RAI14: variants seen among roughly 807,000 people sequenced by gnomAD.
RAI14 encodes retinoic acid induced 14.
Under a neutral mutation model 115.4 loss-of-function variants are expected in RAI14, and 45 were observed. The ratio of observed to expected loss-of-function variants is 0.39; its 90% CI spans 0.31 to 0.50. The LOEUF (loss-of-function observed/expected upper bound fraction) is 0.50, where lower values mean the gene tolerates loss of function less well. RAI14 is among the 20% of genes least tolerant of loss of function. RAI14 has a pLI of 0.85. For missense variants in RAI14, 939 were observed against 1,131.2 expected, an observed-to-expected ratio of 0.83 and a Z score of 2.44; for synonymous variants, 371 against 415.4, an observed-to-expected ratio of 0.89 and a Z score of 1.30.
intron 2 of RAI14, among the ~76,000 whole-genome samples, chr5:34,705,490 T>C (rs1740601683): frequency 6.6e-6 from 1 of 152,154 alleles, no homozygotes; most frequent in African/African-American, 2.4e-5. Context: ...ATCTCTTGGA[T>C]AGCACTATGT....
intron 15 of RAI14, 32 bp downstream of exon 15, chr5:34,824,523 A>G: frequency 2.0e-6 from 3 of 1,496,208 alleles, no homozygotes; most frequent in Non-Finnish European, 2.7e-6. Flanking sequence ...TTGGGTTTCT[A>G]GCAATAAGTC....
intron 2 of RAI14, among the ~76,000 whole-genome samples, chr5:34,752,699 A>ATGTGTG (rs1491205967): frequency 1.9e-5 from 1 of 51,386 alleles, no homozygotes; most frequent in Non-Finnish European, 3.6e-5. Flanking sequence ...TATTTCTTAC[A>ATGTGTG]TATATGTGTG....
At chr5:34,808,733 G>T (rs1407460368) in intron 7 of RAI14, 79 bp downstream of exon 7, 3 of 1,347,424 alleles carry the variant, frequency 2.2e-6, no homozygotes, top group Admixed American at 3.7e-5. Flanking sequence ...GAGTCACTGA[G>T]ACTTTAGACT....
intron 2 of RAI14, among the ~76,000 whole-genome samples, chr5:34,735,852 G>A (rs1356933823): frequency 6.6e-6 from 1 of 152,208 alleles, no homozygotes; most frequent in Non-Finnish European, 1.5e-5. Flanking sequence ...TACAATTCCA[G>A]TATCAGCCTA....
intron 1 of RAI14, chr5:34,657,207 G>A (rs1742340008): frequency 7.0e-6 from 1 of 142,114 alleles, no homozygotes; most frequent in Non-Finnish European, 1.5e-5. Context: ...CACCAGAAAG[G>A]CGCCCGCCAT....
intron 2 of RAI14, among the ~76,000 whole-genome samples, chr5:34,732,076 G>A (rs1313094904): frequency 6.6e-6 from 1 of 152,204 alleles, no homozygotes; most frequent in Admixed American, 6.5e-5. Context: ...CCCTGGAGTT[G>A]GGGTGGTCAG....
At chr5:34,762,423 G>A (rs145484391) in intron 3 of RAI14, among the ~76,000 whole-genome samples, 2 of 152,248 alleles carry the variant, frequency 1.3e-5, no homozygotes, top group African/African-American at 2.4e-5. Flanking sequence ...CAGATGGGTG[G>A]TTGGGTAATG....
intron 3 of RAI14, among the ~76,000 whole-genome samples, chr5:34,787,099 C>T (rs1463446619): frequency 6.6e-6 from 1 of 152,186 alleles, no homozygotes; most frequent in Admixed American, 6.5e-5. Flanking sequence ...GTTCCTTACC[C>T]TCATTCCGGT....
At chr5:34,659,109 A>T (rs768132353) in intron 1 of RAI14, 1 of 152,218 alleles carries the variant, frequency 6.6e-6, no homozygotes, top group Non-Finnish European at 1.5e-5. Context: ...AAATGGCATA[A>T]TTCTACCTAT....
intron 3 of RAI14, among the ~76,000 whole-genome samples, chr5:34,783,963 C>T (rs1751978629): frequency 6.6e-6 from 1 of 152,206 alleles, no homozygotes; most frequent in Admixed American, 6.5e-5. Flanking sequence ...TCCACACATA[C>T]ATGTACATAA....
intron 2 of RAI14, among the ~76,000 whole-genome samples, chr5:34,721,313 AT>A: frequency 6.9e-6 from 1 of 145,680 alleles, no homozygotes; most frequent in East Asian, 2.0e-4. Context: ...ATATATATAT[AT>A]ATATATATAT....
intron 2 of RAI14, among the ~76,000 whole-genome samples, chr5:34,715,904 A>C (rs1318137755): frequency 1.3e-5 from 2 of 152,192 alleles, no homozygotes; most frequent in African/African-American, 2.4e-5. Flanking sequence ...CAGTCTTCCC[A>C]AAATTCTTAC....
intron 2 of RAI14, among the ~76,000 whole-genome samples, chr5:34,715,162 T>C (rs1240289730): frequency 1.3e-5 from 2 of 152,160 alleles, no homozygotes; most frequent in Non-Finnish European, 2.9e-5. Context: ...CTGCTACCTT[T>C]ATGGGCTTCA....
chr5:34,704,807 T>C (rs908648694), intron 2 of RAI14, among the ~76,000 whole-genome samples: 1 of 152,226 alleles, frequency 6.6e-6, no homozygotes, highest in African/African-American at 2.4e-5. Context: ...CTTGCCACAC[T>C]TACATTCCGT....
chr5:34,757,662 C>T, intron 3 of RAI14, 64 bp downstream of exon 3: 1 of 1,526,340 alleles, frequency 6.6e-7, no homozygotes, highest in South Asian at 1.3e-5. Context: ...CTCTGGAATC[C>T]TTAGTATCCA....
At chr5:34,708,653 G>C (rs1741029219) in intron 2 of RAI14, among the ~76,000 whole-genome samples, 1 of 152,190 alleles carries the variant, frequency 6.6e-6, no homozygotes, top group Non-Finnish European at 1.5e-5. Context: ...TCCATAGGTT[G>C]TGGGTATCTT....
chr5:34,781,832 G>GAC (rs1004357741), intron 3 of RAI14, among the ~76,000 whole-genome samples: 13 of 152,166 alleles, frequency 8.5e-5, no homozygotes, highest in Middle Eastern at 3.2e-3. Flanking sequence ...AGGAATTAAA[G>GAC]ACACACACAC....
intron 13 of RAI14, among the ~76,000 whole-genome samples, chr5:34,820,185 T>A (rs1446221232): frequency 6.6e-6 from 1 of 152,230 alleles, no homozygotes; most frequent in African/African-American, 2.4e-5. Context: ...AAAGTTTTCA[T>A]CTTTGCATTA....
chr5:34,735,066 A>G (rs993744793), intron 2 of RAI14, among the ~76,000 whole-genome samples: 2 of 152,232 alleles, frequency 1.3e-5, no homozygotes, highest in Admixed American at 1.3e-4. Flanking sequence ...TAGATGTTTA[A>G]TATCGTTTAG....
Sources: gnomAD v4.1 joint callset for allele counts (sites outside exome capture counted in the v4.1 genomes callset) on GRCh38, gnomAD v4.1.1 for gene constraint, MANE v1.5 for transcripts, NCBI Gene and HGNC (gene_info 2026-07-23, HGNC 2026-07-21) for gene names.